Variants in SLIT3 observed in about 807,000 individuals in gnomAD.
The protein encoded by SLIT3 is slit homolog 3 protein.
Under a neutral mutation model 184.0 loss-of-function variants are expected in SLIT3, and 68 were observed. The ratio of observed to expected loss-of-function variants is 0.37; its 90% CI spans 0.30 to 0.45. The LOEUF is 0.45. SLIT3 is among the 20% of genes least tolerant of loss of function. The pLI is 1.00. For missense variants in SLIT3, 1,707 were observed against 2,026.0 expected, an observed-to-expected ratio of 0.84 and a Z score of 3.02; for synonymous variants, 831 against 828.6, an observed-to-expected ratio of 1.00 and a Z score of -0.05.
intron 4 of SLIT3, among the ~76,000 whole-genome samples, chr5:169,130,182 T>A (rs561235489): frequency 1.3e-5 from 2 of 152,266 alleles, no homozygotes; most frequent in Non-Finnish European, 1.5e-5. Context: ...CATAGTAATG[T>A]AAGATGCTAT....
intron 27 of SLIT3, among the ~76,000 whole-genome samples, chr5:168,697,160 ATTCTTGCTACTTCTG>A (rs1385625086): frequency 6.6e-6 from 1 of 152,212 alleles, no homozygotes; most frequent in African/African-American, 2.4e-5. Flanking sequence ...CCCATCATGT[ATTCTTGCTACTTCTG>A]AGCCCCTCCA....
intron 7 of SLIT3, among the ~76,000 whole-genome samples, chr5:168,822,114 T>A (rs769449576): frequency 2.6e-5 from 4 of 152,180 alleles, no homozygotes; most frequent in Non-Finnish European, 5.9e-5. Flanking sequence ...TTCTGGGTGA[T>A]ATTGATGCTG....
intron 24 of SLIT3, among the ~76,000 whole-genome samples, chr5:168,711,335 T>G (rs1762553905): frequency 6.6e-6 from 1 of 152,140 alleles, no homozygotes; most frequent in African/African-American, 2.4e-5. Context: ...AACCCCATCC[T>G]AGCTCCTTTA....
chr5:169,207,760 G>A (rs1252189711), intron 3 of SLIT3, among the ~76,000 whole-genome samples: 1 of 152,170 alleles, frequency 6.6e-6, no homozygotes, highest in Non-Finnish European at 1.5e-5. Flanking sequence ...CCACTGAGAT[G>A]ATGGCATTTG....
At chr5:168,959,058 G>T (rs1161571431) in intron 4 of SLIT3, among the ~76,000 whole-genome samples, 1 of 152,246 alleles carries the variant, frequency 6.6e-6, no homozygotes. Flanking sequence ...CCTGGCAGAC[G>T]ACTCCAGTCA....
chr5:168,704,349 T>C (rs544577383), intron 26 of SLIT3, among the ~76,000 whole-genome samples: 12 of 152,242 alleles, frequency 7.9e-5, no homozygotes, highest in Admixed American at 2.0e-4. Context: ...GGCACTGAGG[T>C]AGGCAAAGTA....
chr5:169,026,104 C>T (rs528154025), intron 4 of SLIT3, among the ~76,000 whole-genome samples: 29 of 152,268 alleles, frequency 1.9e-4, no homozygotes, highest in African/African-American at 7.0e-4. Context: ...ATGAAAATGA[C>T]TCTTAAGCTC....
chr5:169,236,941 G>A (rs1232854755), intron 3 of SLIT3, among the ~76,000 whole-genome samples: 1 of 152,032 alleles, frequency 6.6e-6, no homozygotes, highest in African/African-American at 2.4e-5. Context: ...TTTCTCCACT[G>A]TTTGTTTCTA....
At chr5:168,804,310 C>CAAAAAA (rs770650322) in intron 9 of SLIT3, among the ~76,000 whole-genome samples, 530 of 52,354 alleles carry the variant, frequency 0.01, 28 homozygotes, top group South Asian at 0.012. Flanking sequence ...AACTCTTTCT[C>CAAAAAA]AAAAAAAAAA....
intron 29 of SLIT3, among the ~76,000 whole-genome samples, chr5:168,690,032 G>A (rs1376763944): frequency 6.6e-6 from 1 of 152,080 alleles, no homozygotes; most frequent in Admixed American, 6.5e-5. Context: ...TACAATAGAG[G>A]TTTCTAGGAA....
rs114553280 is a variant in SLIT3, at chr5:168,778,564, C to G, written c.1152-4186G>C. Reference sequence around the variant, plus strand: ...GCTTCAGCGTGTGATGCTGATCAAGCCTTCGTTGGCACGAGGTGGCAGGTT... The same window carrying G: ...GCTTCAGCGTGTGATGCTGATCAAGGCTTCGTTGGCACGAGGTGGCAGGTT... On this transcript the variant is annotated intron_variant, in intron 12 of 35. Coordinates refer to ENST00000519560, the MANE Select transcript of SLIT3 (RefSeq NM_003062.4). Among the ~76,000 whole-genome samples the G allele has an allele frequency of 7.9e-3, 1,196 of 152,330 alleles. 3 individuals are homozygous for G. The highest frequency in any genetic ancestry group is 0.012 in the Admixed American group (187 of 15,302).
At chr5:169,216,982 T>G (rs1329359238) in intron 3 of SLIT3, among the ~76,000 whole-genome samples, 4 of 152,100 alleles carry the variant, frequency 2.6e-5, no homozygotes, top group Non-Finnish European at 4.4e-5. Context: ...CACTGATACC[T>G]GGGAGTCCAG....
At chr5:168,836,178 G>A (rs1758048049) in intron 6 of SLIT3, among the ~76,000 whole-genome samples, 1 of 152,192 alleles carries the variant, frequency 6.6e-6, no homozygotes, top group African/African-American at 2.4e-5. Flanking sequence ...CTCAGCCACA[G>A]GTAAGCTGAG....
chr5:168,692,719 A>C lies in SLIT3; in HGVS notation c.3083-19T>G. On this transcript the variant is annotated intron_variant, in intron 28 of 35. Transcript: ENST00000519560. ...AGCTCACCTGGCACAGATGGGGGAG[A>C]TAGCTCAGGCCTCAGGCAGGGTAGG... 6.3e-7 allele frequency: 1 copy of C among 1,594,592 alleles called. No homozygotes were observed. Among genetic ancestry groups the C allele is most frequent in the African/African-American group, 1.3e-5 (1 of 74,646 alleles).
intron 4 of SLIT3, among the ~76,000 whole-genome samples, chr5:169,101,255 A>G (rs1305429450): frequency 6.6e-6 from 1 of 152,188 alleles, no homozygotes; most frequent in Non-Finnish European, 1.5e-5. Flanking sequence ...ACAGCCCACA[A>G]ACATCCCACC....
intron 4 of SLIT3, among the ~76,000 whole-genome samples, chr5:169,063,156 T>G (rs1009263778): frequency 2.6e-5 from 4 of 152,180 alleles, no homozygotes; most frequent in African/African-American, 9.7e-5. Context: ...TAAGTGCCAA[T>G]TGAGCCCCCG....
intron 1 of SLIT3, among the ~76,000 whole-genome samples, chr5:169,255,311 C>A (rs1490136017): frequency 6.6e-6 from 1 of 152,188 alleles, no homozygotes; most frequent in East Asian, 1.9e-4. Flanking sequence ...GCATTGTTAT[C>A]ATAAGAGATG....
chr5:169,175,520 A>C (rs999108279), intron 4 of SLIT3, among the ~76,000 whole-genome samples: 6 of 152,210 alleles, frequency 3.9e-5, no homozygotes, highest in Non-Finnish European at 8.8e-5. Flanking sequence ...GATAATTATG[A>C]AGATTAAAGG....
At chr5:169,266,687 C>T (rs569735976) in intron 1 of SLIT3, among the ~76,000 whole-genome samples, 1 of 152,166 alleles carries the variant, frequency 6.6e-6, no homozygotes, top group African/African-American at 2.4e-5. Flanking sequence ...ACTGATATAT[C>T]TGGGCTTATT....
Sources: allele counts gnomAD v4.1 joint callset (sites outside exome capture counted in the v4.1 genomes callset), GRCh38; gene constraint gnomAD v4.1.1; transcripts MANE v1.5; gene names NCBI Gene and HGNC (gene_info 2026-07-23, HGNC 2026-07-21).